ADAMTS19: variants seen among roughly 807,000 people sequenced by gnomAD.
The protein encoded by ADAMTS19 is A disintegrin and metalloproteinase with thrombospondin motifs 19.
In ADAMTS19, 93 loss-of-function variants were observed where a neutral mutation model predicts 153.3. That is an observed-to-expected ratio of 0.61 (90% confidence interval 0.51 to 0.72). The LOEUF is 0.72. Among genes scored for constraint, ADAMTS19 ranks in the 30% least tolerant of loss-of-function variants. The pLI is 0.00. For missense variants in ADAMTS19, 1,482 were observed against 1,552.1 expected (o/e 0.95, Z 0.76); for synonymous variants, 600 against 556.6 (o/e 1.08, Z -1.10).
intron 18 of ADAMTS19, among the ~76,000 whole-genome samples, chr5:129,684,744 C>G (rs540196021): frequency 6.6e-6 from 1 of 151,708 alleles, no homozygotes; most frequent in Non-Finnish European, 1.5e-5. Flanking sequence ...TCCCAGCACT[C>G]TGGGAGGCCG....
intron 21 of ADAMTS19, among the ~76,000 whole-genome samples, chr5:129,727,500 G>C (rs1251041720): frequency 6.6e-6 from 1 of 152,134 alleles, no homozygotes; most frequent in Non-Finnish European, 1.5e-5. Context: ...ATGTGGAAAA[G>C]GGAAATATTT....
At chr5:129,601,724 A>G (rs1362039732) in intron 8 of ADAMTS19, among the ~76,000 whole-genome samples, 1 of 152,144 alleles carries the variant, frequency 6.6e-6, no homozygotes, top group Non-Finnish European at 1.5e-5. Flanking sequence ...CCCAACAACA[A>G]TGTGTGAAAT....
chr5:129,461,624 C>T lies in ADAMTS19; in HGVS notation c.614C>T (p.Pro205Leu). 1 of 1,592,482 alleles carries T rather than the reference C, an allele frequency of 6.3e-7. No individual in the cohort carries two copies. The highest frequency in any genetic ancestry group is 8.5e-7 in the Non-Finnish European group (1 of 1,176,052). Residue 205 changes from proline (P) to leucine (L), a missense_variant, in exon 2 of 23, where the codon CCC becomes CTC. Transcript: ENST00000274487. This position sits in a 1 kb window ranked among gnomAD's most constrained non-coding sequence, Gnocchi z 4.6. ...PRFAVEQRPNPGPGPTGAASA... is the reference protein window; with the variant it reads ...PRFAVEQRPNLGPGPTGAASA... ...TTCGCAGTGGAACAGCGGCCAAATC[C>T]CGGCCCCGGCCCCACGGGGGCAGCA... is the stretch of plus-strand genomic sequence containing the variant.
chr5:129,647,688 C>A, intron 11 of ADAMTS19, 77 bp from the exon 12 acceptor site: 1 of 1,514,328 alleles, frequency 6.6e-7, no homozygotes, highest in Non-Finnish European at 9.0e-7. Context: ...AATTGCAATT[C>A]CAGTGACATT....
At chr5:129,680,070 A>C in intron 17 of ADAMTS19, 149 bp downstream of exon 17, 1 of 936,636 alleles carries the variant, frequency 1.1e-6, no homozygotes, top group Non-Finnish European at 1.5e-6. Flanking sequence ...AGGTTTTGTA[A>C]AATGTGTTTT....
intron 18 of ADAMTS19, among the ~76,000 whole-genome samples, chr5:129,684,812 C>G (rs907482318): frequency 6.6e-6 from 1 of 151,876 alleles, no homozygotes; most frequent in African/African-American, 2.4e-5. Context: ...ACGGCGAAAC[C>G]CCGTCTCTAC....
intron 16 of ADAMTS19, among the ~76,000 whole-genome samples, chr5:129,673,302 A>G (rs1426360268): frequency 6.6e-6 from 1 of 152,054 alleles, no homozygotes; most frequent in African/African-American, 2.4e-5. Context: ...TAATGTGACA[A>G]TTTAAAGCTA....
intron 7 of ADAMTS19, among the ~76,000 whole-genome samples, chr5:129,577,360 T>C (rs1275265537): frequency 6.6e-6 from 1 of 152,124 alleles, no homozygotes; most frequent in African/African-American, 2.4e-5. Flanking sequence ...TTGTTGTGCT[T>C]ACATTTTGAT....
At chr5:129,671,650 T>C (rs915299041) in intron 16 of ADAMTS19, among the ~76,000 whole-genome samples, 3 of 152,236 alleles carry the variant, frequency 2.0e-5, no homozygotes, top group Non-Finnish European at 4.4e-5. Context: ...AATACAATTA[T>C]TGTTTTTCAT....
chr5:129,547,614 GATTCAATGCCATCCCC>G (rs1162881636), intron 6 of ADAMTS19, among the ~76,000 whole-genome samples: 3 of 150,444 alleles, frequency 2.0e-5, no homozygotes, highest in Non-Finnish European at 4.4e-5. Flanking sequence ...TCTATAAATA[GATTCAATGCCATCCCC>G]ATCAAGCTAC....
At chr5:129,733,614 C>T (rs1021129156) in intron 21 of ADAMTS19, among the ~76,000 whole-genome samples, 4 of 152,024 alleles carry the variant, frequency 2.6e-5, no homozygotes, top group African/African-American at 9.7e-5. Flanking sequence ...GATACCATCT[C>T]ATACCAGTCA....
chr5:129,649,994 A>G (rs1244334035), intron 13 of ADAMTS19, among the ~76,000 whole-genome samples: 1 of 152,128 alleles, frequency 6.6e-6, no homozygotes, highest in Non-Finnish European at 1.5e-5. Context: ...CCTGGGCAAG[A>G]TGGCAAAACC....
Position 129,718,736 on chromosome 5 carries a change from G to A in ADAMTS19, c.3312+14345G>A, listed in dbSNP as rs572265010. 5.9e-5 allele frequency among the ~76,000 whole-genome samples: 9 copies of A among 152,238 alleles called. No individual in the cohort carries two copies. In the South Asian group the frequency reaches 1.9e-3, roughly 32 times the overall value. Reference sequence around the variant, plus strand: ...TTTGGAATAATCCATTATTCCCAAAGACAAATTACCCAAGTCTATGCTGTT... The same window carrying A: ...TTTGGAATAATCCATTATTCCCAAAAACAAATTACCCAAGTCTATGCTGTT... On this transcript the variant is annotated intron_variant, in intron 21 of 22. Transcript: ENST00000274487.
chr5:129,537,398 C>T lies in ADAMTS19; in HGVS notation c.1328+8721C>T, dbSNP rs1232490887. On this transcript the variant is annotated intron_variant, in intron 6 of 22. Transcript: ENST00000274487. Reference sequence around the variant, plus strand: ...CCTCAGGGATCTAGAACTACAAATACCATTTGACCCAGCCATCCCATTACT... The same window carrying T: ...CCTCAGGGATCTAGAACTACAAATATCATTTGACCCAGCCATCCCATTACT... 5.9e-5 allele frequency among the ~76,000 whole-genome samples: 9 copies of T among 152,170 alleles called. No individual in the cohort carries two copies. The East Asian group carries it at 1.7e-3, about 29-fold the overall frequency.
intron 3 of ADAMTS19, among the ~76,000 whole-genome samples, chr5:129,517,867 G>C (rs1193123035): frequency 6.6e-6 from 1 of 151,678 alleles, no homozygotes; most frequent in Non-Finnish European, 1.5e-5. Context: ...TATCTTCCTT[G>C]TTTCTTTTCT....
chr5:129,637,700 C>T lies in ADAMTS19; in HGVS notation c.1771-4159C>T, dbSNP rs1280666673. On this transcript the variant is annotated intron_variant, in intron 10 of 22. Coordinates refer to ENST00000274487, the MANE Select transcript of ADAMTS19 (RefSeq NM_133638.6). ...TCTCTACTAAAAGTACAAAAATTAG[C>T]GGGGCATGGTGGCGGGTGCCTATGA... Among the ~76,000 whole-genome samples, 5 of 152,184 alleles carry T rather than the reference C, an allele frequency of 3.3e-5. No homozygotes were observed. In the South Asian group the frequency reaches 6.2e-4, roughly 19 times the overall value.
intron 21 of ADAMTS19, among the ~76,000 whole-genome samples, chr5:129,719,858 T>C (rs1044059707): frequency 5.3e-5 from 8 of 152,044 alleles, no homozygotes; most frequent in African/African-American, 1.9e-4. Flanking sequence ...CTGGCAAATA[T>C]GGTAAAACCC....
At chr5:129,672,457 C>T (rs1160670784) in intron 16 of ADAMTS19, among the ~76,000 whole-genome samples, 1 of 152,082 alleles carries the variant, frequency 6.6e-6, no homozygotes, top group Non-Finnish European at 1.5e-5. Flanking sequence ...TTCTGGTAAG[C>T]AGGTGTAGAC....
intron 15 of ADAMTS19, among the ~76,000 whole-genome samples, chr5:129,663,513 T>C (rs1247371853): frequency 2.0e-5 from 3 of 152,246 alleles, no homozygotes; most frequent in Non-Finnish European, 4.4e-5. Flanking sequence ...TTCCTGTAAA[T>C]GATGCCCCAT....
Sources: allele counts gnomAD v4.1 joint callset (sites outside exome capture counted in the v4.1 genomes callset), GRCh38; gene constraint gnomAD v4.1.1; non-coding constraint Gnocchi (gnomAD v3.1); transcripts MANE v1.5; gene names NCBI Gene and HGNC (gene_info 2026-07-23, HGNC 2026-07-21).